Variants in ARHGEF7 observed in about 807,000 individuals in gnomAD.
The protein encoded by ARHGEF7 is PAK-interacting exchange factor beta.
Under a neutral mutation model 109.8 loss-of-function variants are expected in ARHGEF7, and 33 were observed. That is an observed-to-expected ratio of 0.30 (90% CI 0.23 to 0.40). ARHGEF7 has a LOEUF of 0.40. ARHGEF7 is among the 10% of genes least tolerant of loss of function. ARHGEF7 has a pLI of 1.00. For synonymous variants in ARHGEF7, 458 were observed against 424.6 expected, an observed-to-expected ratio of 1.08 and a Z score of -0.97; for missense variants, 938 against 1,098.5, an observed-to-expected ratio of 0.85 and a Z score of 2.07.
At chr13:111,250,622 C>G (rs2089628861) in intron 8 of ARHGEF7, among the ~76,000 whole-genome samples, 1 of 152,186 alleles carries the variant, frequency 6.6e-6, no homozygotes, top group African/African-American at 2.4e-5. Context: ...TCCAGTGGTT[C>G]AGTTCTATTC....
At chr13:111,293,005 A>C (rs893952100) in intron 19 of ARHGEF7, 6 of 985,478 alleles carry the variant, frequency 6.1e-6, no homozygotes, top group Non-Finnish European at 7.2e-6. Context: ...TCCTTTCCAA[A>C]GGCAGAGCTT....
rs74126727 is a variant in ARHGEF7, at chr13:111,175,455, G to A, written c.252+21464G>A. 2.5e-3 allele frequency among the ~76,000 whole-genome samples: 388 copies of A among 152,332 alleles called. 3 individuals carry two copies. The highest frequency in any genetic ancestry group is 8.9e-3 in the African/African-American group (369 of 41,572). Reference sequence around the variant, plus strand: ...GCCCTCTCAGTCAGGGTGTTGCCATGTGAGTGTGGGGAAGGGCACCCAGGC... The same window carrying A: ...GCCCTCTCAGTCAGGGTGTTGCCATATGAGTGTGGGGAAGGGCACCCAGGC... On this transcript the variant is annotated intron_variant, in intron 2 of 21. Coordinates refer to ENST00000646102, the MANE Select transcript of ARHGEF7 (RefSeq NM_001354046.2).
intron 17 of ARHGEF7, 39 bp downstream of exon 17, chr13:111,286,279 C>T (rs552319918): frequency 1.3e-6 from 2 of 1,514,056 alleles, no homozygotes; most frequent in African/African-American, 1.4e-5. Context: ...GACGTGGCCT[C>T]CTGGTCACGT....
At chr13:111,293,332 A>G in intron 19 of ARHGEF7, 1 of 985,020 alleles carries the variant, frequency 1.0e-6, no homozygotes, top group Non-Finnish European at 1.2e-6. Context: ...CTGCAGTGAA[A>G]CTCCATTTAC....
At chr13:111,194,996 C>T (rs1288733270) in intron 2 of ARHGEF7, among the ~76,000 whole-genome samples, 4 of 152,222 alleles carry the variant, frequency 2.6e-5, no homozygotes, top group Non-Finnish European at 4.4e-5. Context: ...AGGTCTTGCA[C>T]TAGTCTCCAC....
chr13:111,206,250 C>A (rs1329877975), intron 3 of ARHGEF7, among the ~76,000 whole-genome samples: 1 of 151,448 alleles, frequency 6.6e-6, no homozygotes, highest in African/African-American at 2.4e-5. Context: ...GGTGTACTTG[C>A]CTCACTGCAC....
At chr13:111,135,155 C>A (rs2075022378) in intron 1 of ARHGEF7, among the ~76,000 whole-genome samples, 1 of 152,168 alleles carries the variant, frequency 6.6e-6, no homozygotes, top group Non-Finnish European at 1.5e-5. Context: ...TTCCATTGGT[C>A]TGAATCTCTG....
chr13:111,205,789 G>T (rs1202290058), intron 3 of ARHGEF7, among the ~76,000 whole-genome samples: 2 of 152,062 alleles, frequency 1.3e-5, no homozygotes, highest in African/African-American at 4.8e-5. Flanking sequence ...TCGTGGATTG[G>T]CCTGTAAAGT....
chr13:111,221,570 GATACATATCTATATATATCT>G lies in ARHGEF7; in HGVS notation c.670+3694_670+3713del, dbSNP rs1594886021. Among the ~76,000 whole-genome samples, 3 of 63,284 alleles carry G rather than the reference GATACATATCTATATATATCT, an allele frequency of 4.7e-5. No homozygotes were observed. The East Asian group carries it at 4.5e-3, about 94-fold the overall frequency. The allele number at this position is 63,284 out of a possible 152,430, so 41.5% of individuals were successfully genotyped here. ...ACATATCTATATATCTATATATATA[GATACATATCTATATATATCT>G]ATATATAGATATATATCTCCCCTTT... is the stretch of plus-strand genomic sequence containing the variant. On this transcript the variant is annotated intron_variant, in intron 5 of 21. Coordinates refer to ENST00000646102, the MANE Select transcript of ARHGEF7 (RefSeq NM_001354046.2).
At chr13:111,277,067 G>A (rs59628585) in intron 12 of ARHGEF7, among the ~76,000 whole-genome samples, 3,257 of 152,272 alleles carry the variant, frequency 0.021, 120 homozygotes, top group African/African-American at 0.075. Context: ...GGTTTGGGAA[G>A]TGCCAGGAAT....
chr13:111,140,403 C>T (rs898835326), intron 1 of ARHGEF7, among the ~76,000 whole-genome samples: 18 of 152,098 alleles, frequency 1.2e-4, no homozygotes, highest in African/African-American at 4.1e-4. Flanking sequence ...ATCAGGTCAT[C>T]GGGGAGGTGT....
chr13:111,294,469 A>G, intron 19 of ARHGEF7: 1 of 985,452 alleles, frequency 1.0e-6, no homozygotes, highest in Non-Finnish European at 1.2e-6. Context: ...TCTATACACC[A>G]AAGTTTTGAC....
intron 1 of ARHGEF7, among the ~76,000 whole-genome samples, chr13:111,153,485 G>A (rs2076015902): frequency 6.6e-6 from 1 of 152,100 alleles, no homozygotes; most frequent in Non-Finnish European, 1.5e-5. Flanking sequence ...CGCGCGCGGG[G>A]CCAACCGGTG....
chr13:111,274,896 T>C, intron 11 of ARHGEF7, 106 bp downstream of exon 11: 1 of 765,580 alleles, frequency 1.3e-6, no homozygotes, highest in Non-Finnish European at 1.9e-6. Flanking sequence ...TGACTTGTGC[T>C]GACATGAAAG....
chr13:111,203,221 G>GA, intron 2 of ARHGEF7: 1 of 618,880 alleles, frequency 1.6e-6, no homozygotes, highest in South Asian at 2.2e-5. Context: ...CTGTAGAGCT[G>GA]AAAGACATTC....
intron 1 of ARHGEF7, among the ~76,000 whole-genome samples, chr13:111,120,472 T>TAC (rs35570792): frequency 0.49 from 73,458 of 150,626 alleles, 18,079 homozygotes; most frequent in Middle Eastern, 0.68. Flanking sequence ...TGCATGTAAA[T>TAC]ACACACACAC....
chr13:111,126,566 GA>G (rs2067576718), intron 1 of ARHGEF7, among the ~76,000 whole-genome samples: 1 of 151,434 alleles, frequency 6.6e-6, no homozygotes, highest in African/African-American at 2.4e-5. Context: ...TAAACTTCCA[GA>G]AAGTGCCCTA....
At chr13:111,261,373 G>A (rs1469206243) in intron 8 of ARHGEF7, among the ~76,000 whole-genome samples, 1 of 152,088 alleles carries the variant, frequency 6.6e-6, no homozygotes, top group African/African-American at 2.4e-5. Flanking sequence ...GACAAAGAAA[G>A]TCATTATATA....
intron 14 of ARHGEF7, 22 bp from the exon 15 acceptor site, chr13:111,280,516 A>G (rs1294465714): frequency 6.3e-6 from 10 of 1,580,416 alleles, no homozygotes; most frequent in Non-Finnish European, 7.7e-6. Flanking sequence ...CACTCGGCCT[A>G]TTTTTTCCTT....
Sources: gnomAD v4.1 joint callset for allele counts (sites outside exome capture counted in the v4.1 genomes callset) on GRCh38, gnomAD v4.1.1 for gene constraint, MANE v1.5 for transcripts, NCBI Gene and HGNC (gene_info 2026-07-23, HGNC 2026-07-21) for gene names.